Variants in TSTD2 observed in about 807,000 individuals in gnomAD.
TSTD2 encodes thiosulfate sulfurtransferase like domain containing 2.
TSTD2 carries 37 observed loss-of-function variants against 47.9 expected under a neutral mutation model. That is an observed-to-expected ratio of 0.77 (90% confidence interval 0.59 to 1.02). The LOEUF is 1.02. Among genes scored for constraint, TSTD2 ranks in the 50% least tolerant of loss-of-function variants. The pLI, the probability that TSTD2 is intolerant of heterozygous loss-of-function variation, is 0.00. For synonymous variants in TSTD2, 201 were observed against 215.9 expected, an observed-to-expected ratio of 0.93 and a Z score of 0.61; for missense variants, 586 against 616.0, an observed-to-expected ratio of 0.95 and a Z score of 0.52.
At chr9:97,617,414 A>G (rs1461307034) in intron 4 of TSTD2, among the ~76,000 whole-genome samples, 1 of 152,234 alleles carries the variant, frequency 6.6e-6, no homozygotes, top group African/African-American at 2.4e-5. Context: ...TTGCTTTTGC[A>G]TATAGTTTTA....
intron 8 of TSTD2, among the ~76,000 whole-genome samples, chr9:97,605,111 T>C (rs1826343382): frequency 6.6e-6 from 1 of 152,268 alleles, no homozygotes; most frequent in East Asian, 1.9e-4. Context: ...CTTCACCCTC[T>C]AGATCCTGGG....
rs763750919 is a variant in TSTD2, at chr9:97,602,754, A to G, written c.1266T>C (p.Cys422=). The part of the protein sequence containing the change: ...NSDVVSECSY[C]GARWDQYKLC... ...GTTTATACTGGTCCCAGCGGGCTCC[A>G]CAGTATGAACACTCTGGGGAGGAAG... Residue 422 remains cysteine (C), a synonymous_variant, in exon 10 of 10, where the codon TGT becomes TGC. Coordinates refer to ENST00000341170, the MANE Select transcript of TSTD2 (RefSeq NM_139246.5). 2 of 1,612,182 alleles carry G rather than the reference A, an allele frequency of 1.2e-6. No individual in the cohort carries two copies. The highest frequency in any genetic ancestry group is 8.5e-7 in the Non-Finnish European group (1 of 1,178,880).
chr9:97,602,777 A>G lies in TSTD2; in HGVS notation c.1253-10T>C, dbSNP rs201712930. On this transcript the variant is annotated splice_polypyrimidine_tract_variant and intron_variant, in intron 9 of 9. Coordinates refer to ENST00000341170, the MANE Select transcript of TSTD2 (RefSeq NM_139246.5). ...CCACAGTATGAACACTCTGGGGAGG[A>G]AGGAAAAGCCATCATTATAAACACA... The G allele has an allele frequency of 2.5e-6, 4 of 1,592,996 alleles. No individual in the cohort carries two copies. In the East Asian group the frequency reaches 9.0e-5, roughly 36 times the overall value.
At position 97,605,455 on chromosome 9, in the gene TSTD2, C is replaced by T. The variant is rs200109599; in HGVS notation, c.1113+28G>A. 6.7e-4 allele frequency: 1,073 copies of T among 1,610,882 alleles called. 10 individuals are homozygous for T. In the African/African-American group the frequency reaches 7.1e-3, roughly 11 times the overall value. On this transcript the variant is annotated intron_variant, in intron 8 of 9. Transcript: ENST00000341170. ...TGGAGCTGCCTCCTTCACTGCCATG[C>T]CCACAGTGCCCCGGGGTGGTGGCTC...
intron 6 of TSTD2, among the ~76,000 whole-genome samples, chr9:97,608,635 AAAAAAG>A (rs1467056207): frequency 6.6e-6 from 1 of 152,178 alleles, no homozygotes; most frequent in Non-Finnish European, 1.5e-5. Context: ...GACTGTCTCA[AAAAAAG>A]AAAAAGAGGT....
At chr9:97,624,929 CCT>C (rs1491222759) in intron 3 of TSTD2, among the ~76,000 whole-genome samples, 3 of 152,158 alleles carry the variant, frequency 2.0e-5, no homozygotes, top group Middle Eastern at 3.4e-3. Context: ...AGAAACCCCC[CCT>C]TTTTTTTGCT....
At chr9:97,608,593 G>A (rs539990168) in intron 6 of TSTD2, among the ~76,000 whole-genome samples, 6 of 152,218 alleles carry the variant, frequency 3.9e-5, no homozygotes, top group South Asian at 2.1e-4. Context: ...CTGAAATCAC[G>A]CCACTGCACT....
Position 97,601,153 on chromosome 9 carries a change from A to C in TSTD2, c.*1316T>G. The C allele has an allele frequency of 7.7e-7, 1 of 1,302,778 alleles. No individual in the cohort carries two copies. The highest frequency in any genetic ancestry group is 1.0e-6 in the Non-Finnish European group (1 of 988,350). 80.7% of individuals were successfully genotyped at this position (1,302,778 alleles called of 1,614,324 possible). ...TGGCCCAGGAGTGGCACCATGTTGC[A>C]GGGACAACCATCCCCATTTGGCTTC... On this transcript the variant is annotated 3_prime_UTR_variant, in exon 10 of 10. Transcript: ENST00000341170.
At chr9:97,602,799 C>T in intron 9 of TSTD2, 32 bp from the exon 10 acceptor site, 1 of 1,567,404 alleles carries the variant, frequency 6.4e-7, no homozygotes, top group Non-Finnish European at 8.7e-7. Flanking sequence ...TCATTATAAA[C>T]ACATACATTC....
chr9:97,602,473 A>AT lies in TSTD2; in HGVS notation c.1546dup (p.Met516AsnfsTer14). The AT allele has an allele frequency of 6.2e-7, 1 of 1,603,238 alleles. No individual in the cohort carries two copies. The highest frequency in any genetic ancestry group is 8.5e-7 in the Non-Finnish European group (1 of 1,173,540). Reference sequence around the variant, plus strand: ...GGAAAATGCCAAAGGTGCTGCTCACATAAGCACTGGCCCATCCTCATCAGC... The same window carrying AT: ...GGAAAATGCCAAAGGTGCTGCTCACATTAAGCACTGGCCCATCCTCATCAGC... On this transcript the variant is annotated frameshift_variant, in exon 10 of 10. Coordinates refer to ENST00000341170, the MANE Select transcript of TSTD2 (RefSeq NM_139246.5). LOFTEE classifies it high-confidence loss of function.
chr9:97,608,504 C>T (rs866396464), intron 6 of TSTD2, among the ~76,000 whole-genome samples: 29 of 152,008 alleles, frequency 1.9e-4, no homozygotes, highest in African/African-American at 6.3e-4. Flanking sequence ...GGTGTGGTGG[C>T]GCACACTTGT....
chr9:97,605,176 G>A (rs1199906154), intron 8 of TSTD2, among the ~76,000 whole-genome samples: 1 of 152,188 alleles, frequency 6.6e-6, no homozygotes, highest in Non-Finnish European at 1.5e-5. Context: ...GTTGGGACAT[G>A]TAATGTTACT....
intron 3 of TSTD2, among the ~76,000 whole-genome samples, chr9:97,624,041 A>G (rs1029219401): frequency 2.0e-5 from 3 of 152,172 alleles, no homozygotes; most frequent in Non-Finnish European, 4.4e-5. Context: ...GGTAAAGTGC[A>G]GGCAGTGCTG....
chr9:97,606,162 T>C lies in TSTD2; in HGVS notation c.935A>G (p.Asn312Ser). The C allele has an allele frequency of 6.2e-7, 1 of 1,609,824 alleles. No homozygotes were observed. The highest frequency in any genetic ancestry group is 8.5e-7 in the Non-Finnish European group (1 of 1,178,094). Residue 312 changes from asparagine (N) to serine (S), a missense_variant, in exon 7 of 10, where the codon AAC (asparagine) becomes AGC (serine). Coordinates refer to ENST00000341170, the MANE Select transcript of TSTD2 (RefSeq NM_139246.5). ...ACTTACTATTTTGCTTTCATAGAAG[T>C]TTCTGCAATCAAGAAGGATAGTATC... Reference protein sequence around the residue: ...QSDTILLDCRNFYESKIGRFQ... With the variant: ...QSDTILLDCRSFYESKIGRFQ...
intron 7 of TSTD2, 43 bp from the exon 8 acceptor site, chr9:97,605,684 T>A (rs1434604779): frequency 6.2e-7 from 1 of 1,613,038 alleles, no homozygotes; most frequent in African/African-American, 1.3e-5. Context: ...CAGAAAAACA[T>A]ACCTGGTAGG....
chr9:97,607,821 A>C (rs772018108), intron 6 of TSTD2, among the ~76,000 whole-genome samples: 10 of 151,650 alleles, frequency 6.6e-5, no homozygotes, highest in Non-Finnish European at 1.3e-4. Flanking sequence ...GGAGAACTAC[A>C]CAAAACTGGG....
At chr9:97,614,720 C>A (rs530375607) in intron 4 of TSTD2, among the ~76,000 whole-genome samples, 1 of 152,248 alleles carries the variant, frequency 6.6e-6, no homozygotes, top group African/African-American at 2.4e-5. Flanking sequence ...TGGTAAATGA[C>A]CCTGGCAGGT....
At chr9:97,615,914 GA>G (rs368018400) in intron 4 of TSTD2, among the ~76,000 whole-genome samples, 2 of 152,078 alleles carry the variant, frequency 1.3e-5, no homozygotes, top group Non-Finnish European at 2.9e-5. Flanking sequence ...TACAGTGCTT[GA>G]AAAAAATATA....
chr9:97,615,780 C>CATTCA (rs1826533659), intron 4 of TSTD2, among the ~76,000 whole-genome samples: 1 of 152,142 alleles, frequency 6.6e-6, no homozygotes, highest in Non-Finnish European at 1.5e-5. Flanking sequence ...AAACCTTGTA[C>CATTCA]ATTCAGGTTT....
Sources: allele counts gnomAD v4.1 joint callset (sites outside exome capture counted in the v4.1 genomes callset), GRCh38; gene constraint gnomAD v4.1.1; transcripts MANE v1.5; gene names NCBI Gene and HGNC (gene_info 2026-07-23, HGNC 2026-07-21).